Variants in PLCB1 observed in about 807,000 individuals in gnomAD.
The protein encoded by PLCB1 is phospholipase C beta 1, also known as 1-phosphatidylinositol 4,5-bisphosphate phosphodiesterase beta-1.
In PLCB1, 46 loss-of-function variants were observed where a neutral mutation model predicts 161.8. That is an observed-to-expected ratio of 0.28 (90% CI 0.22 to 0.36). PLCB1 has a LOEUF of 0.36. Ranked by LOEUF, PLCB1 falls within the 10% of genes least tolerant of loss-of-function variation. The pLI is 1.00. For synonymous variants in PLCB1, 517 were observed against 503.7 expected (o/e 1.03, Z -0.35); for missense variants, 1,016 against 1,472.5 (o/e 0.69, Z 5.07).
At chr20:8,633,948 T>G (rs1417926391) in intron 4 of PLCB1, among the ~76,000 whole-genome samples, 2 of 152,226 alleles carry the variant, frequency 1.3e-5, no homozygotes, top group Non-Finnish European at 2.9e-5. Context: ...CTTCTATATT[T>G]TCTGTGTAAT....
intron 3 of PLCB1, among the ~76,000 whole-genome samples, chr20:8,557,026 A>AT (rs1305396198): frequency 1.4e-4 from 21 of 149,980 alleles, no homozygotes; most frequent in African/African-American, 3.4e-4. Context: ...TAAATAAAAA[A>AT]AATAATAAAA....
At chr20:8,493,503 G>A (rs1983032349) in intron 3 of PLCB1, among the ~76,000 whole-genome samples, 2 of 152,288 alleles carry the variant, frequency 1.3e-5, no homozygotes, top group South Asian at 2.1e-4. Context: ...GGTTTGCTTC[G>A]TGTCTCTGGA....
rs973121766 is a variant in PLCB1 at position 8,750,812 on chromosome 20, T to G, written c.2524-6234T>G. ...ATATTTGTCCTGAGTAGGGTGGATT[T>G]CTGCATGATGAAATTATGAGACTCA... On this transcript the variant is annotated intron_variant, in intron 23 of 31. Transcript: ENST00000338037. The G allele has an allele frequency of 2.2e-6, 3 of 1,361,074 alleles. No homozygotes were observed. The Admixed American group carries it at 5.7e-5, about 26-fold the overall frequency. 84.3% of individuals were successfully genotyped at this position (1,361,074 alleles called of 1,614,324 possible). A position where few individuals can be genotyped will look rare whatever the true frequency, so the allele number is the denominator to read the frequency against.
intron 31 of PLCB1, among the ~76,000 whole-genome samples, chr20:8,825,025 CCA>C (rs1274061406): frequency 6.6e-6 from 1 of 152,140 alleles, no homozygotes; most frequent in Non-Finnish European, 1.5e-5. Flanking sequence ...CTTCCCATCC[CCA>C]GATGCCACCA....
chr20:8,211,312 G>A (rs760901192), intron 2 of PLCB1, among the ~76,000 whole-genome samples: 12 of 152,090 alleles, frequency 7.9e-5, no homozygotes, highest in African/African-American at 2.2e-4. Context: ...AGACATCTCA[G>A]ACTTATCAGA....
At chr20:8,442,501 A>G (rs1463888669) in intron 3 of PLCB1, among the ~76,000 whole-genome samples, 1 of 152,060 alleles carries the variant, frequency 6.6e-6, no homozygotes, top group Non-Finnish European at 1.5e-5. Context: ...TACTATCACA[A>G]TGGCCATTAA....
intron 26 of PLCB1, among the ~76,000 whole-genome samples, chr20:8,769,777 A>G (rs1446106834): frequency 1.3e-5 from 2 of 152,224 alleles, no homozygotes; most frequent in Non-Finnish European, 1.5e-5. Context: ...TGAGCAAAGT[A>G]TAAGACATAT....
intron 2 of PLCB1, among the ~76,000 whole-genome samples, chr20:8,179,018 T>C (rs761479528): frequency 1.4e-4 from 21 of 152,220 alleles, no homozygotes; most frequent in Non-Finnish European, 1.9e-4. Flanking sequence ...AGTACCATGC[T>C]GTTTTCGTTA....
At chr20:8,284,660 C>G (rs532233817) in intron 2 of PLCB1, among the ~76,000 whole-genome samples, 1 of 152,104 alleles carries the variant, frequency 6.6e-6, no homozygotes, top group Non-Finnish European at 1.5e-5. Flanking sequence ...TTGAAATTGC[C>G]CCCCAAAATT....
chr20:8,156,515 G>C (rs1343775242), intron 2 of PLCB1, among the ~76,000 whole-genome samples: 1 of 152,158 alleles, frequency 6.6e-6, no homozygotes, highest in Non-Finnish European at 1.5e-5. Context: ...CCCAAATGAA[G>C]GGTTTTAAAA....
chr20:8,367,833 T>G (rs1032893540), intron 2 of PLCB1, among the ~76,000 whole-genome samples: 21 of 152,208 alleles, frequency 1.4e-4, no homozygotes, highest in African/African-American at 4.6e-4. Flanking sequence ...GGTTCCTCAT[T>G]TTCTTTTTAG....
intron 3 of PLCB1, among the ~76,000 whole-genome samples, chr20:8,388,891 C>T (rs1448811615): frequency 6.6e-6 from 1 of 152,050 alleles, no homozygotes; most frequent in East Asian, 1.9e-4. Context: ...GAAACAAAAA[C>T]CTTTATATAA....
intron 2 of PLCB1, among the ~76,000 whole-genome samples, chr20:8,152,351 G>A (rs1399268532): frequency 1.3e-5 from 2 of 152,036 alleles, no homozygotes; most frequent in East Asian, 3.9e-4. Flanking sequence ...CTGGCTTGAA[G>A]CCCAGCCCTG....
At position 8,234,561 on chromosome 20, in the gene PLCB1, G is replaced by A. The variant is rs143852838; in HGVS notation, c.177+84190G>A. ...TAAAGGTCAACTGTGAAATTTCCACGTCCTATTAAATACTATTCCTAGAGC... is the reference window on the plus strand; with the variant it reads ...TAAAGGTCAACTGTGAAATTTCCACATCCTATTAAATACTATTCCTAGAGC... On this transcript the variant is annotated intron_variant, in intron 2 of 31. Coordinates refer to ENST00000338037, the MANE Select transcript of PLCB1 (RefSeq NM_015192.4). Among the ~76,000 whole-genome samples the A allele has an allele frequency of 4.0e-3, 605 of 152,076 alleles. 7 individuals are homozygous for A. The highest frequency in any genetic ancestry group is 0.013 in the African/African-American group (550 of 41,498).
intron 3 of PLCB1, among the ~76,000 whole-genome samples, chr20:8,520,484 GT>G (rs541877124): frequency 1.1e-3 from 166 of 152,084 alleles, no homozygotes; most frequent in African/African-American, 3.8e-3. Flanking sequence ...TAAGATTCAA[GT>G]AACAACCTAT....
At chr20:8,478,015 C>T (rs766822805) in intron 3 of PLCB1, among the ~76,000 whole-genome samples, 16 of 152,142 alleles carry the variant, frequency 1.1e-4, no homozygotes, top group Admixed American at 4.6e-4. Context: ...GGCTTTAAAT[C>T]TATTGAGTAA....
chr20:8,145,237 G>A (rs1011929123), intron 1 of PLCB1, among the ~76,000 whole-genome samples: 1 of 152,086 alleles, frequency 6.6e-6, no homozygotes, highest in African/African-American at 2.4e-5. Flanking sequence ...GCTTCTCCCT[G>A]CATCTTCACA....
chr20:8,790,045 G>A, intron 30 of PLCB1, 130 bp from the exon 31 acceptor site: 1 of 644,950 alleles, frequency 1.6e-6, no homozygotes, highest in East Asian at 2.9e-5. Flanking sequence ...ATACTTGTAA[G>A]TGTAGTTCTT....
At chr20:8,213,189 A>C (rs1176072305) in intron 2 of PLCB1, among the ~76,000 whole-genome samples, 1 of 152,176 alleles carries the variant, frequency 6.6e-6, no homozygotes, top group Non-Finnish European at 1.5e-5. Context: ...CAAGAGCATT[A>C]TGTTTCATAG....
Sources: allele counts gnomAD v4.1 joint callset (sites outside exome capture counted in the v4.1 genomes callset), GRCh38; gene constraint gnomAD v4.1.1; transcripts MANE v1.5; gene names NCBI Gene and HGNC (gene_info 2026-07-23, HGNC 2026-07-21).